The following EIF5B variants were observed in gnomAD, a reference collection of about 807,000 sequenced individuals.
EIF5B encodes eukaryotic translation initiation factor 5B.
EIF5B carries 47 observed loss-of-function variants against 147.5 expected under a neutral mutation model. That is an observed-to-expected ratio of 0.32 (90% CI 0.25 to 0.41). The LOEUF is 0.41. Ranked by LOEUF, EIF5B falls within the 10% of genes least tolerant of loss-of-function variation. The probability of loss-of-function intolerance (pLI) is 1.00; values close to 1 mark genes in which losing one functional copy is unlikely to be tolerated. For missense variants in EIF5B, 1,064 were observed against 1,413.2 expected, an observed-to-expected ratio of 0.75 and a Z score of 3.96; for synonymous variants, 455 against 456.2, an observed-to-expected ratio of 1.00 and a Z score of 0.03.
Position 99,398,920 on chromosome 2 carries a change from CAGCAAAAGTGGCACACTTTA to C in EIF5B, c.3555+17_3555+36del. The C allele has an allele frequency of 6.2e-7, 1 of 1,610,478 alleles. No individual in the cohort carries two copies. Among genetic ancestry groups the C allele is most frequent in the East Asian group, 2.2e-5 (1 of 44,854 alleles). On this transcript the variant is annotated intron_variant, in intron 23 of 23. Transcript: ENST00000289371. ...ATTCTTGTTAGTAAGGTAAGTATTT[CAGCAAAAGTGGCACACTTTA>C]AGCAACAGGGAATCACTCTTCTTGG...
chr2:99,354,703 T>G (rs1674055122), intron 1 of EIF5B, among the ~76,000 whole-genome samples: 1 of 152,142 alleles, frequency 6.6e-6, no homozygotes, highest in Non-Finnish European at 1.5e-5. Flanking sequence ...GTGAGGTTCA[T>G]TTTTGTGTGA....
intron 18 of EIF5B, 34 bp downstream of exon 18, chr2:99,393,132 C>T: frequency 6.8e-7 from 1 of 1,466,942 alleles, no homozygotes; most frequent in Non-Finnish European, 9.1e-7. Context: ...TCCTTAAAAG[C>T]TATTTGAGTT....
At chr2:99,379,740 C>T (rs900794208) in intron 12 of EIF5B, among the ~76,000 whole-genome samples, 3 of 152,116 alleles carry the variant, frequency 2.0e-5, no homozygotes, top group Admixed American at 6.6e-5. Context: ...AATTTTGTTT[C>T]CTTCTCTACT....
At chr2:99,365,840 T>C (rs187816289) in intron 6 of EIF5B, among the ~76,000 whole-genome samples, 240 of 152,228 alleles carry the variant, frequency 1.6e-3, no homozygotes, top group African/African-American at 5.4e-3. Context: ...ACATTCAAGG[T>C]TCCCCCCCAC....
chr2:99,363,888 T>C (rs746086268), intron 5 of EIF5B, 26 bp downstream of exon 5: 6 of 1,584,248 alleles, frequency 3.8e-6, no homozygotes, highest in East Asian at 2.2e-5. Context: ...GTTGGTAACA[T>C]TGATATTGTG....
At chr2:99,345,410 T>C (rs957025234) in intron 1 of EIF5B, among the ~76,000 whole-genome samples, 6 of 151,914 alleles carry the variant, frequency 3.9e-5, no homozygotes, top group Admixed American at 1.3e-4. Flanking sequence ...CTGGCCAACA[T>C]AGCAAAACCC....
chr2:99,381,766 T>G (rs927693438), intron 12 of EIF5B, among the ~76,000 whole-genome samples: 4 of 152,130 alleles, frequency 2.6e-5, no homozygotes, highest in African/African-American at 9.7e-5. Flanking sequence ...ATATTTGAAG[T>G]CAGAATTGCT....
intron 9 of EIF5B, among the ~76,000 whole-genome samples, chr2:99,375,485 G>T (rs558277634): frequency 6.6e-6 from 1 of 152,286 alleles, no homozygotes; most frequent in South Asian, 2.1e-4. Flanking sequence ...CACAGTAAGG[G>T]TGTAACCCAA....
chr2:99,370,866 T>C (rs1436665885), intron 8 of EIF5B, among the ~76,000 whole-genome samples: 4 of 152,218 alleles, frequency 2.6e-5, no homozygotes, highest in African/African-American at 9.6e-5. Context: ...GAGCACAGCA[T>C]TGACCCAGAG....
intron 6 of EIF5B, among the ~76,000 whole-genome samples, chr2:99,367,094 TAGG>T (rs1299379020): frequency 6.6e-6 from 1 of 152,190 alleles, no homozygotes; most frequent in African/African-American, 2.4e-5. Context: ...GAGGAAAACA[TAGG>T]AGGATATCTT....
At chr2:99,395,984 T>C (rs556776907) in intron 21 of EIF5B, among the ~76,000 whole-genome samples, 1 of 152,262 alleles carries the variant, frequency 6.6e-6, no homozygotes, top group Admixed American at 6.5e-5. Flanking sequence ...GACTGGTTAA[T>C]TGGGTTGTTA....
chr2:99,399,081 A>G (rs1044984633), intron 23 of EIF5B, 172 bp downstream of exon 23: 12 of 861,934 alleles, frequency 1.4e-5, no homozygotes, highest in Non-Finnish European at 2.1e-5. Flanking sequence ...AAGTTGCTCT[A>G]TCAGGAAAGC....
chr2:99,391,355 T>G (rs1487577091), intron 17 of EIF5B, among the ~76,000 whole-genome samples: 1 of 152,166 alleles, frequency 6.6e-6, no homozygotes, highest in Non-Finnish European at 1.5e-5. Context: ...AGTGGACATA[T>G]GCAGTTCAAG....
intron 9 of EIF5B, among the ~76,000 whole-genome samples, chr2:99,375,552 A>T (rs543948406): frequency 6.6e-6 from 1 of 152,194 alleles, no homozygotes; most frequent in Non-Finnish European, 1.5e-5. Flanking sequence ...TGGACTCCCA[A>T]TGCAGCTTAG....
intron 1 of EIF5B, among the ~76,000 whole-genome samples, chr2:99,355,607 TG>T (rs1674078640): frequency 1.5e-5 from 2 of 135,464 alleles, no homozygotes; most frequent in Non-Finnish European, 3.1e-5. Context: ...TTTTGTTTTT[TG>T]GGTTTTTTTT....
At chr2:99,398,968 CACCTGT>C (rs1574945010) in intron 23 of EIF5B, 59 bp downstream of exon 23, 1 of 1,556,550 alleles carries the variant, frequency 6.4e-7, no homozygotes. Flanking sequence ...CTTCTTGGGT[CACCTGT>C]ACCTGTAGCT....
At chr2:99,337,670 C>T (rs1325406208) in intron 1 of EIF5B, 81 bp downstream of exon 1, 9 of 1,505,800 alleles carry the variant, frequency 6.0e-6, no homozygotes, top group Admixed American at 2.1e-5. Context: ...CGGCGTCGGA[C>T]CGGGGTCTGG....
In EIF5B at chr2:99,396,778, C is replaced by T. The variant is rs751915595; in HGVS notation, c.3273C>T (p.Pro1091=). ...QEEFKHIAVF[P]CKIKILPQYI... is the part of the protein sequence containing the mutation. ...CTTTCAGGCACATAGCAGTATTTCCCTGCAAGATAAAAATCCTCCCTCAGT... is the reference window on the plus strand; with the variant it reads ...CTTTCAGGCACATAGCAGTATTTCCTTGCAAGATAAAAATCCTCCCTCAGT... The change falls in exon 22 of 24, where the codon CCC becomes CCT. Residue 1091 remains proline, a synonymous_variant. Coordinates refer to ENST00000289371, the MANE Select transcript of EIF5B (RefSeq NM_015904.4). 4 of 1,610,326 alleles carry T rather than the reference C, an allele frequency of 2.5e-6. No homozygotes were observed. In the African/African-American group the frequency reaches 4.0e-5, roughly 16 times the overall value.
At chr2:99,381,129 G>T (rs1260377114) in intron 12 of EIF5B, among the ~76,000 whole-genome samples, 1 of 152,058 alleles carries the variant, frequency 6.6e-6, no homozygotes, top group Non-Finnish European at 1.5e-5. Context: ...CAGTTTTCTT[G>T]AATTATAGCT....
Sources: gnomAD v4.1 joint callset for allele counts (sites outside exome capture counted in the v4.1 genomes callset) on GRCh38, gnomAD v4.1.1 for gene constraint, MANE v1.5 for transcripts, NCBI Gene and HGNC (gene_info 2026-07-23, HGNC 2026-07-21) for gene names.